The following AHCYL2 variants were observed in gnomAD, a reference collection of about 807,000 sequenced individuals.
AHCYL2 encodes adenosylhomocysteinase like 2.
AHCYL2 carries 28 observed loss-of-function variants against 81.4 expected under a neutral mutation model. The observed-to-expected ratio is 0.34, with a 90% CI of 0.25 to 0.47. The LOEUF is 0.47. Ranked by LOEUF, AHCYL2 falls within the 20% of genes least tolerant of loss-of-function variation. AHCYL2 has a pLI of 1.00. For missense variants in AHCYL2, 551 were observed against 785.1 expected, an observed-to-expected ratio of 0.70 and a Z score of 3.56; for synonymous variants, 272 against 290.2, an observed-to-expected ratio of 0.94 and a Z score of 0.64.
At chr7:129,334,068 C>T (rs988424817) in intron 1 of AHCYL2, among the ~76,000 whole-genome samples, 7 of 151,944 alleles carry the variant, frequency 4.6e-5, no homozygotes, top group African/African-American at 7.2e-5. Flanking sequence ...GGATGTACCT[C>T]AGTTTATGCC....
intron 1 of AHCYL2, among the ~76,000 whole-genome samples, chr7:129,228,643 G>A (rs1794310880): frequency 6.6e-6 from 1 of 152,190 alleles, no homozygotes; most frequent in African/African-American, 2.4e-5. Flanking sequence ...ATGAGTGATA[G>A]GAGTGTTGGC....
chr7:129,248,009 T>G (rs2150698719), intron 1 of AHCYL2, among the ~76,000 whole-genome samples: 2 of 152,330 alleles, frequency 1.3e-5, no homozygotes, highest in East Asian at 3.9e-4. Flanking sequence ...AGGTTTTGCA[T>G]TTAGATTTTT....
chr7:129,262,074 T>TC (rs1230119758), intron 1 of AHCYL2, among the ~76,000 whole-genome samples: 1 of 152,230 alleles, frequency 6.6e-6, no homozygotes, highest in Admixed American at 6.5e-5. Context: ...CATAAGCTTA[T>TC]ATTGATATTC....
chr7:129,350,768 C>G (rs916116466), intron 1 of AHCYL2, among the ~76,000 whole-genome samples: 7 of 144,274 alleles, frequency 4.9e-5, no homozygotes, highest in South Asian at 2.1e-4. Flanking sequence ...GTTACTCAGG[C>G]TCTCAGCTCA....
At chr7:129,266,953 A>T (rs992146525) in intron 1 of AHCYL2, among the ~76,000 whole-genome samples, 4 of 147,336 alleles carry the variant, frequency 2.7e-5, no homozygotes, top group East Asian at 3.9e-4. Flanking sequence ...TGTCAGATAA[A>T]TTTTTTTTTT....
At chr7:129,308,702 T>A (rs563107149) in intron 1 of AHCYL2, among the ~76,000 whole-genome samples, 25 of 152,284 alleles carry the variant, frequency 1.6e-4, no homozygotes, top group African/African-American at 6.0e-4. Context: ...ACAGAAACAT[T>A]CAGATAGTAG....
intron 1 of AHCYL2, among the ~76,000 whole-genome samples, chr7:129,288,836 C>A (rs1326986927): frequency 6.6e-6 from 1 of 151,664 alleles, no homozygotes; most frequent in East Asian, 1.9e-4. Context: ...GTAGCATGAT[C>A]ATAGCTCACT....
chr7:129,314,208 C>T (rs1288337836), intron 1 of AHCYL2, among the ~76,000 whole-genome samples: 1 of 152,150 alleles, frequency 6.6e-6, no homozygotes, highest in Non-Finnish European at 1.5e-5. Context: ...AGAGGTCTTC[C>T]CATAAATCTC....
intron 12 of AHCYL2, among the ~76,000 whole-genome samples, chr7:129,418,874 G>A (rs1383380109): frequency 6.6e-6 from 1 of 152,340 alleles, no homozygotes; most frequent in African/African-American, 2.4e-5. Context: ...TGGACAAGTG[G>A]TAGAGGTGAT....
At chr7:129,239,950 G>A (rs982987229) in intron 1 of AHCYL2, among the ~76,000 whole-genome samples, 5 of 151,912 alleles carry the variant, frequency 3.3e-5, no homozygotes, top group African/African-American at 9.7e-5. Context: ...CTGGCCGGAC[G>A]CGGTGGCTCA....
chr7:129,285,579 C>G (rs1315450902), intron 1 of AHCYL2, among the ~76,000 whole-genome samples: 1 of 152,136 alleles, frequency 6.6e-6, no homozygotes, highest in African/African-American at 2.4e-5. Context: ...AACTTACTGC[C>G]AATCTTTCCC....
intron 1 of AHCYL2, among the ~76,000 whole-genome samples, chr7:129,243,327 A>G (rs1025167486): frequency 2.0e-5 from 3 of 151,172 alleles, no homozygotes; most frequent in African/African-American, 4.9e-5. Flanking sequence ...CCAGCCGACT[A>G]TATTGTTTCT....
chr7:129,367,138 T>C (rs1287237478), intron 1 of AHCYL2, among the ~76,000 whole-genome samples: 1 of 152,216 alleles, frequency 6.6e-6, no homozygotes, highest in Non-Finnish European at 1.5e-5. Flanking sequence ...AGGTTTGCCC[T>C]AAGCAGTTCC....
rs150368678 is a variant in AHCYL2, at chr7:129,253,186, G to A, written c.363+27747G>A. ...TGTACCACTGCACTCCAGCCTGGCC[G>A]ACAGAGCAAGACTCTGTTTCAAAAA... On this transcript the variant is annotated intron_variant, in intron 1 of 16. Transcript: ENST00000325006. Among the ~76,000 whole-genome samples the A allele has an allele frequency of 2.1e-3, 321 of 151,722 alleles. 1 individual carries two copies. The highest frequency in any genetic ancestry group is 6.9e-3 in the African/African-American group (287 of 41,392).
At chr7:129,250,161 T>G (rs1419113151) in intron 1 of AHCYL2, among the ~76,000 whole-genome samples, 2 of 151,900 alleles carry the variant, frequency 1.3e-5, no homozygotes, top group Non-Finnish European at 2.9e-5. Flanking sequence ...TAGCTGGGCA[T>G]GGTGGTGTGC....
intron 12 of AHCYL2, among the ~76,000 whole-genome samples, chr7:129,420,382 T>G (rs1385888395): frequency 2.0e-5 from 3 of 152,208 alleles, no homozygotes; most frequent in Non-Finnish European, 4.4e-5. Context: ...CTTGACTCTT[T>G]GTGGTTATTA....
intron 1 of AHCYL2, among the ~76,000 whole-genome samples, chr7:129,306,093 G>C (rs1317240206): frequency 6.6e-6 from 1 of 152,076 alleles, no homozygotes; most frequent in African/African-American, 2.4e-5. Flanking sequence ...AAATCTGCTT[G>C]GTGTTCTAGA....
intron 1 of AHCYL2, among the ~76,000 whole-genome samples, chr7:129,376,683 A>G (rs1794704590): frequency 6.6e-6 from 1 of 152,232 alleles, no homozygotes; most frequent in Non-Finnish European, 1.5e-5. Flanking sequence ...TGGTGTGTGT[A>G]CATGGTGTGT....
At chr7:129,347,979 G>T (rs1793421717) in intron 1 of AHCYL2, among the ~76,000 whole-genome samples, 1 of 152,136 alleles carries the variant, frequency 6.6e-6, no homozygotes, top group South Asian at 2.1e-4. Flanking sequence ...CTGAAAATAT[G>T]GGAGAAGGAT....
Sources: allele counts gnomAD v4.1 joint callset (sites outside exome capture counted in the v4.1 genomes callset), GRCh38; gene constraint gnomAD v4.1.1; transcripts MANE v1.5; gene names NCBI Gene and HGNC (gene_info 2026-07-23, HGNC 2026-07-21).